Variants in PDZD2 observed in about 807,000 individuals in gnomAD.
PDZD2 encodes the protein PDZ domain containing 2, also known as PDZ domain-containing protein 2.
Under a neutral mutation model 220.7 loss-of-function variants are expected in PDZD2, and 90 were observed. The observed-to-expected ratio is 0.41, with a 90% CI of 0.34 to 0.49. PDZD2 has a LOEUF of 0.49. Among genes scored for constraint, PDZD2 ranks in the 20% least tolerant of loss-of-function variants. The probability of loss-of-function intolerance (pLI) is 0.28; values close to 1 mark genes in which losing one functional copy is unlikely to be tolerated. For synonymous variants in PDZD2, 1,375 were observed against 1,450.5 expected, an observed-to-expected ratio of 0.95 and a Z score of 1.18; for missense variants, 3,174 against 3,608.5, an observed-to-expected ratio of 0.88 and a Z score of 3.08.
intron 1 of PDZD2, among the ~76,000 whole-genome samples, chr5:31,713,368 G>A (rs1401066293): frequency 1.3e-5 from 2 of 152,196 alleles, no homozygotes; most frequent in African/African-American, 2.4e-5. Flanking sequence ...TTTCCACCAT[G>A]AGATACTACT....
At chr5:31,965,951 TGGG>T (rs1177142129) in intron 2 of PDZD2, among the ~76,000 whole-genome samples, 45 of 152,230 alleles carry the variant, frequency 3.0e-4, no homozygotes, top group African/African-American at 9.1e-4. Flanking sequence ...CAAGTTAAAG[TGGG>T]GCAAGTCCTC....
intron 18 of PDZD2, among the ~76,000 whole-genome samples, chr5:32,076,741 A>G (rs2112416459): frequency 6.6e-6 from 1 of 152,316 alleles, no homozygotes; most frequent in South Asian, 2.1e-4. Context: ...AAACTCCTCT[A>G]CTGTTTTTAT....
At chr5:31,969,835 A>AT (rs1053476675) in intron 2 of PDZD2, among the ~76,000 whole-genome samples, 10 of 151,996 alleles carry the variant, frequency 6.6e-5, no homozygotes, top group African/African-American at 2.2e-4. Context: ...ATGGACCAGC[A>AT]TTTTTTTGTG....
Position 31,641,357 on chromosome 5 carries a change from T to C in PDZD2, c.-361+1920T>C, listed in dbSNP as rs192646221. Among the ~76,000 whole-genome samples the C allele has an allele frequency of 2.7e-3, 415 of 151,826 alleles. 3 individuals carry two copies. Among genetic ancestry groups the C allele is most frequent in the Non-Finnish European group, 3.2e-3 (217 of 67,926 alleles). ...TGGTCCAAATAAAACATTTTGGGAG[T>C]ATGGAGGAAAAAGAAGTCACTTTTG... On this transcript the variant is annotated intron_variant, in intron 1 of 24. Transcript: ENST00000438447.
chr5:31,978,090 CAAAT>C (rs1749946817), intron 2 of PDZD2, among the ~76,000 whole-genome samples: 1 of 152,124 alleles, frequency 6.6e-6, no homozygotes, highest in African/African-American at 2.4e-5. Flanking sequence ...AGGTCAAAGT[CAAAT>C]AAATCTTAAT....
chr5:31,654,513 C>T (rs569019382), intron 1 of PDZD2, among the ~76,000 whole-genome samples: 1 of 152,282 alleles, frequency 6.6e-6, no homozygotes, highest in Non-Finnish European at 1.5e-5. Context: ...TCCCACCGAT[C>T]TTATCTCCAT....
intron 1 of PDZD2, among the ~76,000 whole-genome samples, chr5:31,755,363 A>G (rs1432044613): frequency 6.6e-6 from 1 of 152,190 alleles, no homozygotes; most frequent in Non-Finnish European, 1.5e-5. Flanking sequence ...TTGGGCTTGG[A>G]AGTCGGCAAT....
intron 15 of PDZD2, 137 bp from the exon 16 acceptor site, chr5:32,071,244 CCCT>C: frequency 1.4e-6 from 1 of 734,908 alleles, no homozygotes; most frequent in Non-Finnish European, 2.5e-6. Context: ...GCACGTCTAA[CCCT>C]GTGCATGCAG....
At chr5:31,814,562 C>A (rs1755313383) in intron 2 of PDZD2, among the ~76,000 whole-genome samples, 1 of 152,234 alleles carries the variant, frequency 6.6e-6, no homozygotes, top group South Asian at 2.1e-4. Context: ...GTGGCTTACA[C>A]GTGTAATCCC....
At chr5:31,934,026 A>G (rs963784443) in intron 2 of PDZD2, among the ~76,000 whole-genome samples, 2 of 152,236 alleles carry the variant, frequency 1.3e-5, no homozygotes, top group Non-Finnish European at 2.9e-5. Context: ...GTTATATATT[A>G]TCCACCCTTC....
chr5:31,939,937 G>A (rs753290592), intron 2 of PDZD2, among the ~76,000 whole-genome samples: 5 of 152,220 alleles, frequency 3.3e-5, no homozygotes, highest in Non-Finnish European at 5.9e-5. Flanking sequence ...TTATGATTCT[G>A]AATTCAAGAA....
In PDZD2 at chr5:32,087,216, A is replaced by C. The variant is rs1173687093; in HGVS notation, c.3768A>C (p.Thr1256=). The C allele has an allele frequency of 2.5e-6, 4 of 1,613,886 alleles. No homozygotes were observed. In the South Asian group the frequency reaches 4.4e-5, roughly 18 times the overall value. ...HPDPSKTSVD[T]GQVSRPENPS... ...ACCCCAGCAAGACCTCTGTAGACAC[A>C]GGGCAAGTCAGTCGGCCAGAGAATC... Residue 1256 remains threonine (T), a synonymous_variant, in exon 20 of 25, where the codon ACA becomes ACC. Coordinates refer to ENST00000438447, the MANE Select transcript of PDZD2 (RefSeq NM_178140.4). The surrounding 1 kb of genome is among the most constrained non-coding windows in gnomAD (Gnocchi z 4.0).
chr5:31,663,988 G>C (rs966950667), intron 1 of PDZD2, among the ~76,000 whole-genome samples: 2 of 152,128 alleles, frequency 1.3e-5, no homozygotes, highest in Non-Finnish European at 2.9e-5. Context: ...CTAACCAATG[G>C]ACTATTTTTA....
In PDZD2 at chr5:32,025,591, C is replaced by CTTTTTTTTTTT. The variant is rs70957998; in HGVS notation, c.1408-11622_1408-11612dup. On this transcript the variant is annotated intron_variant, in intron 6 of 24. Coordinates refer to ENST00000438447, the MANE Select transcript of PDZD2 (RefSeq NM_178140.4). The stretch of plus-strand genomic sequence containing the variant: ...AGTGAGCCCAAATGTAACCATGATG[C>CTTTTTTTTTTT]TTTTTTTTTTTTTTTTTTTTTTTTT... 2.6e-3 allele frequency among the ~76,000 whole-genome samples: 178 copies of CTTTTTTTTTTT among 67,518 alleles called. 31 individuals are homozygous for CTTTTTTTTTTT. The highest frequency in any genetic ancestry group is 8.1e-3 in the African/African-American group (123 of 15,244). The allele number at this position is 67,518 out of a possible 152,430, so 44.3% of individuals were successfully genotyped here.
At chr5:31,933,475 G>T (rs1745475924) in intron 2 of PDZD2, among the ~76,000 whole-genome samples, 1 of 152,028 alleles carries the variant, frequency 6.6e-6, no homozygotes, top group Non-Finnish European at 1.5e-5. Context: ...TTTGCTGTAT[G>T]ATCGACTCCT....
chr5:31,687,087 CATAGAT>C (rs1746905857), intron 1 of PDZD2, among the ~76,000 whole-genome samples: 2 of 121,916 alleles, frequency 1.6e-5, no homozygotes, highest in African/African-American at 5.9e-5. Context: ...ATGATACACT[CATAGAT>C]ATAAAAAAAG....
At chr5:31,648,935 G>C (rs1477045392) in intron 1 of PDZD2, among the ~76,000 whole-genome samples, 3 of 152,172 alleles carry the variant, frequency 2.0e-5, no homozygotes, top group Non-Finnish European at 4.4e-5. Flanking sequence ...TGGATAATGT[G>C]TAATGTCATG....
chr5:31,823,846 C>G (rs1248796348), intron 2 of PDZD2, among the ~76,000 whole-genome samples: 1 of 152,176 alleles, frequency 6.6e-6, no homozygotes, highest in Non-Finnish European at 1.5e-5. Context: ...CCCAAAGAAG[C>G]AGTTATTGTC....
chr5:31,882,290 C>T (rs754463205), intron 2 of PDZD2, among the ~76,000 whole-genome samples: 3 of 152,176 alleles, frequency 2.0e-5, no homozygotes, highest in Non-Finnish European at 4.4e-5. Flanking sequence ...TAAGTTCCCA[C>T]AGTTGGAGTT....
Sources: allele counts gnomAD v4.1 joint callset (sites outside exome capture counted in the v4.1 genomes callset), GRCh38; gene constraint gnomAD v4.1.1; non-coding constraint Gnocchi (gnomAD v3.1); transcripts MANE v1.5; gene names NCBI Gene and HGNC (gene_info 2026-07-23, HGNC 2026-07-21).